The following KIF21A variants were observed in gnomAD, a reference collection of about 807,000 sequenced individuals.
KIF21A encodes kinesin-like protein KIF21A.
In KIF21A, 114 loss-of-function variants were observed where a neutral mutation model predicts 202.9. The ratio of observed to expected loss-of-function variants is 0.56; its 90% confidence interval spans 0.48 to 0.66. KIF21A has a LOEUF of 0.66. Ranked by LOEUF, KIF21A falls within the 30% of genes least tolerant of loss-of-function variation. The probability of loss-of-function intolerance (pLI) is 0.00; values close to 1 mark genes in which losing one functional copy is unlikely to be tolerated. For synonymous variants in KIF21A, 667 were observed against 670.8 expected, an observed-to-expected ratio of 0.99 and a Z score of 0.09; for missense variants, 1,677 against 1,994.9, an observed-to-expected ratio of 0.84 and a Z score of 3.04.
chr12:39,388,717 C>T (rs1382982066), intron 1 of KIF21A, among the ~76,000 whole-genome samples: 2 of 152,176 alleles, frequency 1.3e-5, no homozygotes, highest in African/African-American at 4.8e-5. Flanking sequence ...GAAACTTTTA[C>T]ATTTGTTGTA....
At chr12:39,424,870 T>C (rs887864176) in intron 1 of KIF21A, among the ~76,000 whole-genome samples, 1 of 152,162 alleles carries the variant, frequency 6.6e-6, no homozygotes, top group Non-Finnish European at 1.5e-5. Flanking sequence ...TATTAGATCA[T>C]GTCACATCTC....
chr12:39,389,246 TAAG>T (rs1471138810), intron 1 of KIF21A, among the ~76,000 whole-genome samples: 2 of 151,410 alleles, frequency 1.3e-5, no homozygotes, highest in African/African-American at 2.4e-5. Flanking sequence ...CCTGAAAGCC[TAAG>T]AACAAAGAAA....
chr12:39,304,275 G>A (rs1448320638), intron 35 of KIF21A, among the ~76,000 whole-genome samples: 1 of 152,098 alleles, frequency 6.6e-6, no homozygotes, highest in Non-Finnish European at 1.5e-5. Flanking sequence ...TGAGTTCCCA[G>A]TCAACTTCTC....
At chr12:39,379,742 G>A (rs555962348) in intron 1 of KIF21A, among the ~76,000 whole-genome samples, 1 of 152,176 alleles carries the variant, frequency 6.6e-6, no homozygotes, top group Non-Finnish European at 1.5e-5. Flanking sequence ...TCTCCCAAAG[G>A]CCACAGCTCC....
At chr12:39,325,643 A>G (rs1945819829) in intron 26 of KIF21A, among the ~76,000 whole-genome samples, 196 bp downstream of exon 26, 1 of 151,906 alleles carries the variant, frequency 6.6e-6, no homozygotes, top group South Asian at 2.1e-4. Context: ...ATCTGGCCAG[A>G]GAAATTTTTT....
At chr12:39,439,797 TAA>T (rs1939314438) in intron 1 of KIF21A, among the ~76,000 whole-genome samples, 1 of 152,154 alleles carries the variant, frequency 6.6e-6, no homozygotes, top group East Asian at 1.9e-4. Flanking sequence ...GGAAATTGAA[TAA>T]AAATTGTTCT....
intron 10 of KIF21A, among the ~76,000 whole-genome samples, chr12:39,355,514 A>T (rs531759379): frequency 6.6e-6 from 1 of 151,846 alleles, no homozygotes; most frequent in South Asian, 2.1e-4. Flanking sequence ...CAGAGCTATC[A>T]GTTGTGTCTC....
At chr12:39,397,153 A>G (rs764831457) in intron 1 of KIF21A, among the ~76,000 whole-genome samples, 1 of 152,214 alleles carries the variant, frequency 6.6e-6, no homozygotes, top group Non-Finnish European at 1.5e-5. Flanking sequence ...TTACTGAACT[A>G]TATACTTGCA....
At position 39,303,474 on chromosome 12, in the gene KIF21A, T is replaced by C. The variant is rs538186246; in HGVS notation, c.4561-339A>G. 4.6e-5 allele frequency among the ~76,000 whole-genome samples: 7 copies of C among 152,240 alleles called. No individual in the cohort carries two copies. In the South Asian group the frequency reaches 1.2e-3, roughly 27 times the overall value. On this transcript the variant is annotated intron_variant, in intron 35 of 37. Coordinates refer to ENST00000361418, the MANE Select transcript of KIF21A (RefSeq NM_001173464.2). Reference sequence around the variant, plus strand: ...TGATGGCACCAGCTCTTAATTATTGTTTTGTTTTGTTATTTGTTGTTATGT... The same window carrying C: ...TGATGGCACCAGCTCTTAATTATTGCTTTGTTTTGTTATTTGTTGTTATGT...
intron 11 of KIF21A, among the ~76,000 whole-genome samples, chr12:39,347,730 A>T (rs1226162685): frequency 1.3e-5 from 2 of 152,060 alleles, no homozygotes; most frequent in African/African-American, 4.8e-5. Flanking sequence ...AGTGATTAGA[A>T]AAAGCAAAGT....
chr12:39,309,593 T>C lies in KIF21A; in HGVS notation c.4270A>G (p.Thr1424Ala), dbSNP rs764649339. The change falls in exon 33 of 38, where the codon ACA becomes GCA. Residue 1424 changes from threonine (T) to alanine (A), a missense_variant. Around this residue, in one of 3 missense-constraint regions of KIF21A, gnomAD observed 705 missense variants for 791.9 expected, o/e 0.89. Transcript: ENST00000361418. ...TGTCTTCAAGTTACTTACGTTAGTG[T>C]TCGAATGCACTTTGCTGAATCTCTG... ...DIRDSAKCIR[T>A]LTSSGQVTLG... is the part of the protein sequence containing the mutation. 1.2e-5 allele frequency: 20 copies of C among 1,610,486 alleles called. 1 individual carries two copies. The South Asian group carries it at 2.1e-4, about 17-fold the overall frequency.
In KIF21A at chr12:39,330,265, G is replaced by A. The variant is rs1487009880; in HGVS notation, c.3320-3C>T. The A allele has an allele frequency of 6.2e-7, 1 of 1,611,804 alleles. No homozygotes were observed. The highest frequency in any genetic ancestry group is 8.5e-7 in the Non-Finnish European group (1 of 1,178,254). On this transcript the variant is annotated splice_polypyrimidine_tract_variant and splice_region_variant and intron_variant, in intron 23 of 37. Transcript: ENST00000361418. ...ACCTAATGGTACGCTATCTAGATCT[G>A]TGTAAATAACAGCAAAAAGGAAACA...
At chr12:39,328,627 C>T (rs563559407) in intron 24 of KIF21A, among the ~76,000 whole-genome samples, 4 of 152,272 alleles carry the variant, frequency 2.6e-5, no homozygotes, top group South Asian at 2.1e-4. Flanking sequence ...GAGCATGGGG[C>T]GCTGGCCCTG....
intron 11 of KIF21A, 95 bp downstream of exon 11, chr12:39,351,682 G>A (rs1948392419): frequency 1.4e-6 from 1 of 723,514 alleles, no homozygotes; most frequent in Non-Finnish European, 2.4e-6. Flanking sequence ...ATATACTAAG[G>A]TACTCATGAG....
At chr12:39,347,959 C>A (rs1398804622) in intron 11 of KIF21A, among the ~76,000 whole-genome samples, 1 of 152,040 alleles carries the variant, frequency 6.6e-6, no homozygotes, top group Non-Finnish European at 1.5e-5. Context: ...TACGCCTATA[C>A]TAATGATAAC....
chr12:39,387,945 T>C (rs1951066135), intron 1 of KIF21A, among the ~76,000 whole-genome samples: 1 of 152,140 alleles, frequency 6.6e-6, no homozygotes, highest in South Asian at 2.1e-4. Context: ...TACCCTCTTT[T>C]GCTATAGGTG....
intron 37 of KIF21A, among the ~76,000 whole-genome samples, chr12:39,297,198 G>A (rs920689587): frequency 6.6e-6 from 1 of 152,134 alleles, no homozygotes; most frequent in Non-Finnish European, 1.5e-5. Flanking sequence ...GAATGAGCAG[G>A]TTTCTTGAAA....
intron 1 of KIF21A, among the ~76,000 whole-genome samples, chr12:39,432,234 T>C (rs1019090555): frequency 2.0e-5 from 3 of 152,216 alleles, no homozygotes; most frequent in African/African-American, 7.2e-5. Flanking sequence ...TCCTAATACA[T>C]TGTGTCTTTA....
At chr12:39,318,415 A>T (rs568179221) in intron 28 of KIF21A, among the ~76,000 whole-genome samples, 1 of 152,308 alleles carries the variant, frequency 6.6e-6, no homozygotes, top group Non-Finnish European at 1.5e-5. Flanking sequence ...ACTAAAGAGA[A>T]GATTCTGTCT....
Sources: allele counts gnomAD v4.1 joint callset (sites outside exome capture counted in the v4.1 genomes callset), GRCh38; gene constraint gnomAD v4.1.1; regional missense constraint gnomAD v4.1.1; transcripts MANE v1.5; gene names NCBI Gene and HGNC (gene_info 2026-07-23, HGNC 2026-07-21).